ADAMTSL3: variants seen among roughly 807,000 people sequenced by gnomAD.
The protein encoded by ADAMTSL3 is ADAMTS-like protein 3.
In ADAMTSL3, 128 loss-of-function variants were observed where a neutral mutation model predicts 201.7. The observed-to-expected ratio is 0.63, with a 90% CI of 0.55 to 0.73. The LOEUF (loss-of-function observed/expected upper bound fraction) is 0.73. ADAMTSL3 is among the 30% of genes least tolerant of loss of function. The pLI, the probability that ADAMTSL3 is intolerant of heterozygous loss-of-function variation, is 0.00. For missense variants in ADAMTSL3, 1,990 were observed against 2,119.6 expected, an observed-to-expected ratio of 0.94 and a Z score of 1.20; for synonymous variants, 738 against 748.4, an observed-to-expected ratio of 0.99 and a Z score of 0.23.
chr15:83,842,569 T>G (rs1210978669), intron 7 of ADAMTSL3, among the ~76,000 whole-genome samples: 1 of 152,192 alleles, frequency 6.6e-6, no homozygotes, highest in Admixed American at 6.5e-5. Context: ...CAATACCTCT[T>G]ACATACTTTA....
intron 23 of ADAMTSL3, among the ~76,000 whole-genome samples, chr15:83,994,882 T>C (rs953224033): frequency 1.3e-5 from 2 of 151,700 alleles, no homozygotes; most frequent in African/African-American, 2.4e-5. Context: ...AGTGTTGGGA[T>C]TACAGGCATG....
chr15:83,725,402 G>A (rs939893325), intron 3 of ADAMTSL3, among the ~76,000 whole-genome samples: 3 of 152,128 alleles, frequency 2.0e-5, no homozygotes, highest in African/African-American at 4.8e-5. Flanking sequence ...TTAACTTGAT[G>A]TGATCCCACT....
intron 23 of ADAMTSL3, among the ~76,000 whole-genome samples, chr15:84,011,428 T>C (rs2068004158): frequency 6.6e-6 from 1 of 152,194 alleles, no homozygotes; most frequent in Non-Finnish European, 1.5e-5. Flanking sequence ...ACTGAGTAGC[T>C]TATAAACAAC....
At chr15:83,927,226 C>T (rs1301023980) in intron 17 of ADAMTSL3, among the ~76,000 whole-genome samples, 5 of 152,038 alleles carry the variant, frequency 3.3e-5, no homozygotes, top group African/African-American at 1.2e-4. Flanking sequence ...AAGTGATTCT[C>T]CTGCCTGAGC....
At chr15:83,822,021 C>G (rs1224525411) in intron 6 of ADAMTSL3, among the ~76,000 whole-genome samples, 3 of 148,300 alleles carry the variant, frequency 2.0e-5, no homozygotes, top group Non-Finnish European at 4.5e-5. Context: ...ACCTCCCTCC[C>G]GGACGGGGTG....
intron 4 of ADAMTSL3, among the ~76,000 whole-genome samples, chr15:83,777,361 CAG>C (rs1400087260): frequency 2.0e-5 from 3 of 152,342 alleles, no homozygotes; most frequent in Admixed American, 6.5e-5. Context: ...CATCAGCCAT[CAG>C]AGTGTAATGA....
intron 10 of ADAMTSL3, 90 bp from the exon 11 acceptor site, chr15:83,890,018 AG>A (rs2065472902): frequency 7.1e-7 from 1 of 1,401,868 alleles, no homozygotes; most frequent in African/African-American, 1.4e-5. Context: ...TTTCTTAAAG[AG>A]GAAAAAAAAA....
In ADAMTSL3 at chr15:83,873,631, A is replaced by G. The variant is rs1182863275; in HGVS notation, c.960+2672A>G. On this transcript the variant is annotated intron_variant, in intron 9 of 29. Transcript: ENST00000286744. ...TGGGCTCAAGCAACGCTCCTGCCTC[A>G]GCCTCCTAAAGAGCTGGGATTAGAG... 2.1e-5 allele frequency among the ~76,000 whole-genome samples: 3 copies of G among 145,498 alleles called. 1 individual carries two copies. The highest frequency in any genetic ancestry group is 4.5e-5 in the Non-Finnish European group (3 of 66,770).
chr15:83,711,948 G>T (rs2061939273), intron 3 of ADAMTSL3, among the ~76,000 whole-genome samples: 1 of 152,152 alleles, frequency 6.6e-6, no homozygotes, highest in South Asian at 2.1e-4. Flanking sequence ...GGATGTTCAA[G>T]ACAGACCCAA....
intron 2 of ADAMTSL3, among the ~76,000 whole-genome samples, chr15:83,690,165 T>C (rs913867974): frequency 6.6e-6 from 1 of 152,198 alleles, no homozygotes; most frequent in African/African-American, 2.4e-5. Flanking sequence ...TCCTGGAATG[T>C]TACAGCGGCC....
chr15:83,845,898 C>A (rs1050738475), intron 7 of ADAMTSL3, among the ~76,000 whole-genome samples: 1 of 152,052 alleles, frequency 6.6e-6, no homozygotes, highest in Non-Finnish European at 1.5e-5. Flanking sequence ...TTGCACTGAC[C>A]CCCTCATTGG....
intron 2 of ADAMTSL3, among the ~76,000 whole-genome samples, chr15:83,656,755 T>C (rs140504679): frequency 9.8e-5 from 15 of 152,296 alleles, no homozygotes; most frequent in African/African-American, 3.6e-4. Flanking sequence ...ATACATGGCT[T>C]GGTGGCCTGT....
chr15:83,995,606 A>G (rs1325938950), intron 23 of ADAMTSL3, among the ~76,000 whole-genome samples: 1 of 152,164 alleles, frequency 6.6e-6, no homozygotes, highest in African/African-American at 2.4e-5. Context: ...GAAAAATTAT[A>G]CAAAACTAGA....
chr15:83,662,736 G>A (rs559030721), intron 2 of ADAMTSL3, among the ~76,000 whole-genome samples: 214 of 152,172 alleles, frequency 1.4e-3, no homozygotes, highest in African/African-American at 5.0e-3. Context: ...CCTCTACCAT[G>A]GAATGGTACG....
At chr15:83,994,009 A>C (rs2067631290) in intron 23 of ADAMTSL3, among the ~76,000 whole-genome samples, 1 of 152,170 alleles carries the variant, frequency 6.6e-6, no homozygotes, top group Admixed American at 6.5e-5. Context: ...CCTTCTCTAA[A>C]GTGTTTTGTT....
chr15:83,814,994 C>T (rs2063750728), intron 5 of ADAMTSL3, among the ~76,000 whole-genome samples: 1 of 152,170 alleles, frequency 6.6e-6, no homozygotes, highest in African/African-American at 2.4e-5. Context: ...ACCTTGTTTT[C>T]AAGATGGTTT....
chr15:84,010,449 A>G (rs1219698406), intron 23 of ADAMTSL3, among the ~76,000 whole-genome samples: 2 of 152,204 alleles, frequency 1.3e-5, no homozygotes, highest in African/African-American at 4.8e-5. Context: ...TTTGGGATAG[A>G]ATATGGTTTT....
intron 2 of ADAMTSL3, among the ~76,000 whole-genome samples, chr15:83,669,282 A>G (rs921909220): frequency 6.6e-6 from 1 of 151,632 alleles, no homozygotes; most frequent in Non-Finnish European, 1.5e-5. Flanking sequence ...AGTAGCTGGG[A>G]TTACAGTTGT....
chr15:83,745,399 CAGAG>C (rs1029030405), intron 3 of ADAMTSL3, among the ~76,000 whole-genome samples: 6 of 152,196 alleles, frequency 3.9e-5, no homozygotes, highest in African/African-American at 1.4e-4. Context: ...CATGAAAAGG[CAGAG>C]AGCCCACTGA....
Sources: gnomAD v4.1 joint callset for allele counts (sites outside exome capture counted in the v4.1 genomes callset) on GRCh38, gnomAD v4.1.1 for gene constraint, MANE v1.5 for transcripts, NCBI Gene and HGNC (gene_info 2026-07-23, HGNC 2026-07-21) for gene names.